The following LPP variants were observed in gnomAD, a reference collection of about 807,000 sequenced individuals.
LPP encodes the protein LIM domain containing preferred translocation partner in lipoma.
In LPP, 38 loss-of-function variants were observed where a neutral mutation model predicts 60.4. The observed-to-expected ratio is 0.63, with a 90% CI of 0.49 to 0.83. The LOEUF (loss-of-function observed/expected upper bound fraction) is 0.83. LPP is among the 40% of genes least tolerant of loss of function. The pLI, the probability that LPP is intolerant of heterozygous loss-of-function variation, is 0.00. For synonymous variants in LPP, 328 were observed against 290.8 expected, an observed-to-expected ratio of 1.13 and a Z score of -1.30; for missense variants, 902 against 783.6, an observed-to-expected ratio of 1.15 and a Z score of -1.80.
chr3:188,271,402 A>G (rs930746816), intron 2 of LPP, among the ~76,000 whole-genome samples: 2 of 152,180 alleles, frequency 1.3e-5, no homozygotes, highest in African/African-American at 4.8e-5. Context: ...TCTGTGGAAG[A>G]AGTGGGAGCA....
intron 9 of LPP, among the ~76,000 whole-genome samples, chr3:188,786,670 C>A (rs1392641916): frequency 6.6e-6 from 1 of 152,120 alleles, no homozygotes; most frequent in African/African-American, 2.4e-5. Flanking sequence ...GATTCCCAAC[C>A]TGGAAAAAAC....
In LPP at chr3:188,878,555, C is replaced by G. The variant is rs1769516072; in HGVS notation, c.*4076C>G. 4.7e-6 allele frequency: 1 copy of G among 212,710 alleles called. No homozygotes were observed. Among genetic ancestry groups the G allele is most frequent in the Non-Finnish European group, 9.6e-6 (1 of 104,672 alleles). The allele number at this position is 212,710 out of a possible 1,614,324, so 13.2% of individuals were successfully genotyped here. On this transcript the variant is annotated 3_prime_UTR_variant, in exon 12 of 12. Coordinates refer to ENST00000617246, the MANE Select transcript of LPP (RefSeq NM_001375462.1). Reference sequence around the variant, plus strand: ...TGGGAAACCAGCAAACTGAAAAAGACACCTCTGCAAAATGTGCCTCAAGTC... The same window carrying G: ...TGGGAAACCAGCAAACTGAAAAAGAGACCTCTGCAAAATGTGCCTCAAGTC...
chr3:188,668,992 T>C, intron 7 of LPP, among the ~76,000 whole-genome samples: 1 of 152,192 alleles, frequency 6.6e-6, no homozygotes, highest in East Asian at 1.9e-4. Context: ...GATCATTATT[T>C]GTAAGATCTT....
chr3:188,494,978 A>G (rs1809507982), intron 5 of LPP, among the ~76,000 whole-genome samples: 1 of 146,880 alleles, frequency 6.8e-6, no homozygotes, highest in African/African-American at 2.5e-5. Context: ...GGGTTTTGCC[A>G]TAGTTGTCAC....
At chr3:188,250,695 CTCT>C (rs767307286) in intron 2 of LPP, among the ~76,000 whole-genome samples, 159 of 151,546 alleles carry the variant, frequency 1.0e-3, no homozygotes, top group Admixed American at 1.8e-3. Flanking sequence ...CTCTCTCTCT[CTCT>C]TTTCCTCTTT....
At chr3:188,489,523 G>A (rs1045308832) in intron 5 of LPP, among the ~76,000 whole-genome samples, 2 of 152,188 alleles carry the variant, frequency 1.3e-5, no homozygotes, top group African/African-American at 4.8e-5. Context: ...GGTAGGCCTT[G>A]TGTTTCTAAC....
At chr3:188,771,563 A>AAAAAAAAGAAAGAAAG (rs1553842315) in intron 9 of LPP, among the ~76,000 whole-genome samples, 1 of 95,174 alleles carries the variant, frequency 1.1e-5, no homozygotes, top group East Asian at 4.7e-4. Flanking sequence ...AAAAAAAAAA[A>AAAAAAAAGAAAGAAAG]AAAGAAAGAA....
intron 9 of LPP, among the ~76,000 whole-genome samples, chr3:188,761,271 C>T (rs576837348): frequency 6.6e-5 from 10 of 152,124 alleles, no homozygotes; most frequent in Admixed American, 5.9e-4. Context: ...TTATTGAAGA[C>T]GTTTTTGGCC....
chr3:188,281,951 G>A (rs1742234711), intron 2 of LPP, among the ~76,000 whole-genome samples: 1 of 151,966 alleles, frequency 6.6e-6, no homozygotes, highest in Non-Finnish European at 1.5e-5. Flanking sequence ...CATTCTTATA[G>A]GCAGAGGGAT....
At position 188,882,310 on chromosome 3, in the gene LPP, C is replaced by G. The variant is rs192383651; in HGVS notation, c.*7831C>G. ...ACATGGGCTATACTCAGAGAAGACC[C>G]TCTGCATTGGCCAAAATATCATGGA... On this transcript the variant is annotated 3_prime_UTR_variant, in exon 12 of 12. Transcript: ENST00000617246. The G allele has an allele frequency of 5.1e-3, 1,145 of 225,518 alleles. 6 individuals carry two copies. Among genetic ancestry groups the G allele is most frequent in the Non-Finnish European group, 7.4e-3 (834 of 113,282 alleles). 14.0% of individuals were successfully genotyped at this position (225,518 alleles called of 1,614,324 possible).
At chr3:188,779,009 C>T (rs999552405) in intron 9 of LPP, among the ~76,000 whole-genome samples, 2 of 152,024 alleles carry the variant, frequency 1.3e-5, no homozygotes, top group East Asian at 3.9e-4. Flanking sequence ...ATGGAAAGTG[C>T]TGTCAGCATG....
intron 8 of LPP, among the ~76,000 whole-genome samples, chr3:188,716,997 A>G (rs541216702): frequency 6.6e-6 from 1 of 152,330 alleles, no homozygotes; most frequent in South Asian, 2.1e-4. Flanking sequence ...TACATGTTAT[A>G]TCACTTGAGC....
chr3:188,760,698 T>A (rs1161328469), intron 9 of LPP, among the ~76,000 whole-genome samples: 2 of 152,210 alleles, frequency 1.3e-5, no homozygotes, highest in East Asian at 3.8e-4. Context: ...AAGGAAACTT[T>A]ACAGAATCTC....
chr3:188,750,880 A>C (rs1473854549), intron 8 of LPP, among the ~76,000 whole-genome samples: 3 of 152,092 alleles, frequency 2.0e-5, no homozygotes, highest in Admixed American at 6.5e-5. Flanking sequence ...CTTCTGCCTG[A>C]GCTCTGTTTG....
intron 5 of LPP, among the ~76,000 whole-genome samples, chr3:188,511,823 A>G (rs766853707): frequency 6.6e-6 from 1 of 152,086 alleles, no homozygotes; most frequent in Non-Finnish European, 1.5e-5. Flanking sequence ...GTACAGAGGG[A>G]GCTATGATAT....
chr3:188,508,380 C>T (rs1335358363), intron 5 of LPP, among the ~76,000 whole-genome samples: 5 of 152,104 alleles, frequency 3.3e-5, no homozygotes, highest in African/African-American at 1.2e-4. Context: ...AAATATTGCC[C>T]TTTGTTAATG....
intron 3 of LPP, among the ~76,000 whole-genome samples, chr3:188,358,643 T>C (rs918291275): frequency 1.8e-4 from 27 of 152,154 alleles, no homozygotes; most frequent in African/African-American, 6.5e-4. Context: ...AGTCTAATGC[T>C]GTTGAGTTTA....
At chr3:188,432,023 G>A (rs1357667408) in intron 4 of LPP, among the ~76,000 whole-genome samples, 1 of 151,936 alleles carries the variant, frequency 6.6e-6, no homozygotes, top group East Asian at 1.9e-4. Flanking sequence ...GTTCTTAAGT[G>A]CATGTAGTTA....
In LPP at chr3:188,572,058, T is replaced by C. The variant is rs980794835; in HGVS notation, c.430-37103T>C. ...ACCCCTTTTTTATTAAGACTCTTGA[T>C]GGCCCAGAGGTCAGTATAATGAGGA... On this transcript the variant is annotated intron_variant, in intron 6 of 11. Coordinates refer to ENST00000617246, the MANE Select transcript of LPP (RefSeq NM_001375462.1). The surrounding 1 kb of genome is among the most constrained non-coding windows in gnomAD (Gnocchi z 4.1). 2.0e-5 allele frequency among the ~76,000 whole-genome samples: 3 copies of C among 152,106 alleles called. No individual in the cohort carries two copies. The highest frequency in any genetic ancestry group is 7.2e-5 in the African/African-American group (3 of 41,444).
Sources: gnomAD v4.1 joint callset for allele counts (sites outside exome capture counted in the v4.1 genomes callset) on GRCh38, gnomAD v4.1.1 for gene constraint, Gnocchi (gnomAD v3.1) non-coding constraint, MANE v1.5 for transcripts, NCBI Gene and HGNC (gene_info 2026-07-23, HGNC 2026-07-21) for gene names.